Variants in SEMA3D observed in about 807,000 individuals in gnomAD.
The protein encoded by SEMA3D is semaphorin 3D, also known as semaphorin-3D.
A neutral mutation model predicts 100.1 loss-of-function variants in SEMA3D; 84 were observed. That is an observed-to-expected ratio of 0.84 (90% CI 0.70 to 1.01). SEMA3D has a LOEUF of 1.01. Ranked by LOEUF, SEMA3D falls within the 50% of genes least tolerant of loss-of-function variation. The probability of loss-of-function intolerance (pLI) is 0.00; values close to 1 mark genes in which losing one functional copy is unlikely to be tolerated. For missense variants in SEMA3D, 875 were observed against 934.1 expected (o/e 0.94, Z 0.82); for synonymous variants, 312 against 320.7 (o/e 0.97, Z 0.29).
At chr7:85,232,464 G>A in the SEMA3D span, among the ~76,000 whole-genome samples, 2 of 152,204 alleles carry the variant, frequency 1.3e-5, no homozygotes, top group African/African-American at 4.8e-5. Flanking sequence ...TGGTGGCAGT[G>A]TAGAAAGAAA....
At chr7:85,119,890 C>T (rs887409908) in intron 3 of SEMA3D, among the ~76,000 whole-genome samples, 1 of 152,012 alleles carries the variant, frequency 6.6e-6, no homozygotes, top group Non-Finnish European at 1.5e-5. Flanking sequence ...TATTTCAGCT[C>T]AATATCTTGG....
At chr7:85,144,104 T>A (rs533625206) in intron 2 of SEMA3D, among the ~76,000 whole-genome samples, 3 of 152,266 alleles carry the variant, frequency 2.0e-5, no homozygotes, top group Non-Finnish European at 4.4e-5. Context: ...CAATATATAA[T>A]CATTTTAACA....
At chr7:85,208,429 A>G in the SEMA3D span, among the ~76,000 whole-genome samples, 41 of 152,224 alleles carry the variant, frequency 2.7e-4, 1 homozygote, top group South Asian at 1.9e-3. Context: ...TTGAAACAAA[A>G]TTAACCATTT....
At chr7:85,227,938 A>T in the SEMA3D span, among the ~76,000 whole-genome samples, 1 of 152,110 alleles carries the variant, frequency 6.6e-6, no homozygotes. Flanking sequence ...TAATTATATG[A>T]CTCAAGTAAT....
At chr7:85,128,746 A>C (rs768269897) in intron 2 of SEMA3D, among the ~76,000 whole-genome samples, 13 of 151,774 alleles carry the variant, frequency 8.6e-5, no homozygotes, top group Non-Finnish European at 1.6e-4. Context: ...ATTATTCATA[A>C]TAAAATGTAC....
chr7:85,006,265 C>G (rs1274254988), intron 18 of SEMA3D, among the ~76,000 whole-genome samples: 2 of 151,878 alleles, frequency 1.3e-5, no homozygotes, highest in Non-Finnish European at 2.9e-5. Flanking sequence ...GTTTAAGGAC[C>G]ATGTTTCAAC....
chr7:85,097,631 C>T (rs568861358), intron 4 of SEMA3D, among the ~76,000 whole-genome samples, 174 bp downstream of exon 4: 50 of 151,692 alleles, frequency 3.3e-4, no homozygotes, highest in Admixed American at 3.0e-3. Flanking sequence ...TACTTAAATC[C>T]ATAAAAATCC....
At chr7:85,033,799 G>A (rs1299417291) in intron 12 of SEMA3D, among the ~76,000 whole-genome samples, 2 of 149,234 alleles carry the variant, frequency 1.3e-5, no homozygotes. Flanking sequence ...TAACCCCAAA[G>A]TATTAACAGA....
At chr7:85,175,972 G>T (rs1004563737) in intron 1 of SEMA3D, among the ~76,000 whole-genome samples, 1 of 151,988 alleles carries the variant, frequency 6.6e-6, no homozygotes, top group African/African-American at 2.4e-5. Flanking sequence ...TAACATTTGA[G>T]ATGGTTATTT....
At chr7:85,045,637 G>A (rs1790986831) in intron 9 of SEMA3D, among the ~76,000 whole-genome samples, 1 of 151,770 alleles carries the variant, frequency 6.6e-6, no homozygotes, top group Admixed American at 6.6e-5. Flanking sequence ...GAACATTTAT[G>A]AATATATATC....
chr7:85,034,550 T>C (rs1299012178), intron 12 of SEMA3D, among the ~76,000 whole-genome samples: 2 of 152,066 alleles, frequency 1.3e-5, no homozygotes, highest in Non-Finnish European at 2.9e-5. Context: ...GAGGTTGCAG[T>C]GAGCCAAGAT....
the SEMA3D span, among the ~76,000 whole-genome samples, chr7:85,207,301 T>G: frequency 0.015 from 2,215 of 152,188 alleles, 60 homozygotes; most frequent in African/African-American, 0.049. Context: ...CGTCTGTTTA[T>G]GCAAGATGTT....
At chr7:85,082,940 T>C (rs1788107275) in intron 4 of SEMA3D, among the ~76,000 whole-genome samples, 3 of 152,226 alleles carry the variant, frequency 2.0e-5, no homozygotes, top group Admixed American at 2.0e-4. Flanking sequence ...TAGAAAATGC[T>C]ATTTATTCAG....
chr7:85,216,040 A>G, the SEMA3D span, among the ~76,000 whole-genome samples: 1 of 152,066 alleles, frequency 6.6e-6, no homozygotes, highest in East Asian at 1.9e-4. Context: ...ATGTTAACAT[A>G]GTTTATTATA....
intron 1 of SEMA3D, among the ~76,000 whole-genome samples, chr7:85,161,022 G>A (rs1022461847): frequency 3.9e-5 from 6 of 152,024 alleles, no homozygotes; most frequent in African/African-American, 7.2e-5. Flanking sequence ...AACATCAGTC[G>A]GACAATGTAA....
the SEMA3D span, among the ~76,000 whole-genome samples, chr7:85,243,815 T>C: frequency 6.6e-6 from 1 of 152,254 alleles, no homozygotes; most frequent in Non-Finnish European, 1.5e-5. Context: ...GAATTTATTT[T>C]AACATTTTCC....
chr7:85,103,984 T>G (rs1397835905), intron 3 of SEMA3D, among the ~76,000 whole-genome samples: 1 of 152,066 alleles, frequency 6.6e-6, no homozygotes, highest in Non-Finnish European at 1.5e-5. Flanking sequence ...TGTGCATTTT[T>G]TGAAGAGTTT....
At chr7:85,204,949 A>G in the SEMA3D span, among the ~76,000 whole-genome samples, 2 of 152,112 alleles carry the variant, frequency 1.3e-5, no homozygotes, top group Admixed American at 6.6e-5. Flanking sequence ...AAATTAAAGC[A>G]TATAAGTTTT....
Position 84,995,949 on chromosome 7 carries a change from C to T in SEMA3D, c.*3491G>A, listed in dbSNP as rs1163906352. On this transcript the variant is annotated 3_prime_UTR_variant, in exon 19 of 19. Transcript: ENST00000284136. ...GTGATCATTTACTATGATAAAAATACATCTCCTATAAAAACACTTCAAATA... is the reference window on the plus strand; with the variant it reads ...GTGATCATTTACTATGATAAAAATATATCTCCTATAAAAACACTTCAAATA... The T allele has an allele frequency of 6.6e-6, 1 of 151,374 alleles. No individual in the cohort carries two copies. Among genetic ancestry groups the T allele is most frequent in the Non-Finnish European group, 1.5e-5 (1 of 67,734 alleles). The allele number at this position is 151,374 out of a possible 1,614,324, so 9.4% of individuals were successfully genotyped here. A position where few individuals can be genotyped will look rare whatever the true frequency, so the allele number is the denominator to read the frequency against.
Sources: gnomAD v4.1 joint callset for allele counts (sites outside exome capture counted in the v4.1 genomes callset) on GRCh38, gnomAD v4.1.1 for gene constraint, MANE v1.5 for transcripts, NCBI Gene and HGNC (gene_info 2026-07-23, HGNC 2026-07-21) for gene names.